C3orf20: variants seen among roughly 807,000 people sequenced by gnomAD.
The protein encoded by C3orf20 is family with sequence similarity 149 member C.
Under a neutral mutation model 88.3 loss-of-function variants are expected in C3orf20, and 76 were observed. The ratio of observed to expected loss-of-function variants is 0.86; its 90% confidence interval spans 0.72 to 1.04. The LOEUF (loss-of-function observed/expected upper bound fraction) is 1.04, where lower values mean the gene tolerates loss of function less well. C3orf20 is among the 50% of genes least tolerant of loss of function. C3orf20 has a pLI of 0.00. For missense variants in C3orf20, 1,056 were observed against 1,123.3 expected (o/e 0.94, Z 0.86); for synonymous variants, 436 against 437.4 (o/e 1.00, Z 0.04).
At chr3:14,753,910 A>G (rs2035286692) in intron 12 of C3orf20, among the ~76,000 whole-genome samples, 1 of 152,244 alleles carries the variant, frequency 6.6e-6, no homozygotes, top group Non-Finnish European at 1.5e-5. Context: ...GTCTTTGCAG[A>G]TTGGCTCTGT....
intron 1 of C3orf20, 126 bp from the exon 2 acceptor site, chr3:14,682,044 T>C (rs2124881924): frequency 6.6e-6 from 1 of 152,338 alleles, no homozygotes; most frequent in African/African-American, 2.4e-5. Flanking sequence ...CTTACATTCA[T>C]TTTTTTCTTA....
chr3:14,735,512 A>G (rs2034676667), intron 12 of C3orf20, among the ~76,000 whole-genome samples: 1 of 151,986 alleles, frequency 6.6e-6, no homozygotes, highest in South Asian at 2.1e-4. Flanking sequence ...TACTTTGTCC[A>G]TTTACCGCTT....
intron 9 of C3orf20, among the ~76,000 whole-genome samples, chr3:14,719,980 C>T (rs1478329381): frequency 2.6e-5 from 4 of 152,018 alleles, no homozygotes; most frequent in Admixed American, 6.5e-5. Context: ...AGAAGGAGGA[C>T]AAGAGAGAGG....
chr3:14,717,798 T>TA (rs998903491), intron 9 of C3orf20, among the ~76,000 whole-genome samples: 19 of 151,568 alleles, frequency 1.3e-4, no homozygotes, highest in East Asian at 3.8e-4. Context: ...TTTCCATGAT[T>TA]AAAAAAAAAT....
intron 12 of C3orf20, among the ~76,000 whole-genome samples, chr3:14,756,437 T>C (rs1186310410): frequency 6.6e-6 from 1 of 152,180 alleles, no homozygotes; most frequent in African/African-American, 2.4e-5. Context: ...CATGAACTCA[T>C]GGAACTTGCA....
chr3:14,742,077 A>C (rs1350552699), intron 12 of C3orf20, among the ~76,000 whole-genome samples: 1 of 152,214 alleles, frequency 6.6e-6, no homozygotes, highest in African/African-American at 2.4e-5. Flanking sequence ...CCTCAGCAAG[A>C]GTGGAAGCAA....
chr3:14,682,838 G>T lies in C3orf20; in HGVS notation c.125G>T (p.Gly42Val). Residue 42 changes from glycine to valine, a missense_variant, in exon 3 of 17, where the codon GGC becomes GTC. Transcript: ENST00000253697. The part of the protein sequence containing the change: ...CQNAGISVPK[G>V]IRNIFEFTWE... ...AATGCAGGCATTTCTGTACCAAAAG[G>T]CATCAGAAACATCTTTGAGTTCACT... The T allele has an allele frequency of 6.2e-7, 1 of 1,614,148 alleles. No individual in the cohort carries two copies. The highest frequency in any genetic ancestry group is 8.5e-7 in the Non-Finnish European group (1 of 1,180,026).
In C3orf20 at chr3:14,708,546, C is replaced by A. The variant is rs1351478436; in HGVS notation, c.1160+3928C>A. The stretch of plus-strand genomic sequence containing the variant: ...AGTGTAAATTTTCAAGTCAGGTTTT[C>A]CATTTCCACAAAAAAAAGGCAATAA... On this transcript the variant is annotated intron_variant, in intron 7 of 16. Coordinates refer to ENST00000253697, the MANE Select transcript of C3orf20 (RefSeq NM_032137.5). Among the ~76,000 whole-genome samples, 3 of 150,832 alleles carry A rather than the reference C, an allele frequency of 2.0e-5. No individual in the cohort carries two copies. The East Asian group carries it at 5.8e-4, about 29-fold the overall frequency.
In C3orf20 at chr3:14,753,889, A is replaced by G. The variant is rs114466887; in HGVS notation, c.1941-3482A>G. Among the ~76,000 whole-genome samples the G allele has an allele frequency of 6.1e-3, 925 of 152,334 alleles. 6 individuals carry two copies. Among genetic ancestry groups the G allele is most frequent in the African/African-American group, 0.02 (818 of 41,574 alleles). ...CAAAACAAAAACAAAAACAAAAACAAAACTCTTCCAGTCTTTGCAGATTGG... is the reference window on the plus strand; with the variant it reads ...CAAAACAAAAACAAAAACAAAAACAGAACTCTTCCAGTCTTTGCAGATTGG... On this transcript the variant is annotated intron_variant, in intron 12 of 16. Transcript: ENST00000253697.
chr3:14,752,059 TCA>T (rs1332530818), intron 12 of C3orf20, among the ~76,000 whole-genome samples: 7 of 152,172 alleles, frequency 4.6e-5, no homozygotes, highest in African/African-American at 1.7e-4. Context: ...GCTGGAGGAA[TCA>T]CACTACCTGA....
At chr3:14,740,389 G>T (rs1366214769) in intron 12 of C3orf20, among the ~76,000 whole-genome samples, 1 of 152,132 alleles carries the variant, frequency 6.6e-6, no homozygotes, top group Non-Finnish European at 1.5e-5. Flanking sequence ...TCTTATATGG[G>T]CATGGTTCAT....
At chr3:14,741,792 TA>T (rs1376660327) in intron 12 of C3orf20, among the ~76,000 whole-genome samples, 12 of 152,192 alleles carry the variant, frequency 7.9e-5, no homozygotes, top group Admixed American at 5.2e-4. Context: ...GTGCTGAGAG[TA>T]GCAACTCAGG....
intron 10 of C3orf20, among the ~76,000 whole-genome samples, chr3:14,726,397 G>A (rs2034346332): frequency 6.6e-6 from 1 of 152,208 alleles, no homozygotes; most frequent in East Asian, 1.9e-4. Context: ...GGGGCTCCTG[G>A]GGGATGCACC....
At chr3:14,694,211 T>G (rs1291815019) in intron 5 of C3orf20, among the ~76,000 whole-genome samples, 1 of 152,200 alleles carries the variant, frequency 6.6e-6, no homozygotes, top group Non-Finnish European at 1.5e-5. Flanking sequence ...CATCATAGAA[T>G]GAGTTTATAA....
chr3:14,752,436 T>C (rs946852462), intron 12 of C3orf20, among the ~76,000 whole-genome samples: 2 of 152,164 alleles, frequency 1.3e-5, no homozygotes, highest in Non-Finnish European at 2.9e-5. Flanking sequence ...GGTAAAGACT[T>C]CGTGACTAAA....
At chr3:14,769,165 C>A (rs987202550) in intron 15 of C3orf20, among the ~76,000 whole-genome samples, 3 of 152,026 alleles carry the variant, frequency 2.0e-5, no homozygotes, top group African/African-American at 7.3e-5. Flanking sequence ...GAGCAGTGCA[C>A]CATAATAAGC....
At chr3:14,755,212 C>A (rs555547141) in intron 12 of C3orf20, among the ~76,000 whole-genome samples, 51 of 152,086 alleles carry the variant, frequency 3.4e-4, no homozygotes, top group African/African-American at 1.2e-3. Context: ...ATTTGTCTTT[C>A]ATCTTTGGTT....
intron 13 of C3orf20, among the ~76,000 whole-genome samples, chr3:14,759,355 G>C (rs1451105834): frequency 1.3e-5 from 2 of 152,110 alleles, no homozygotes. Flanking sequence ...AAGAAGGAGG[G>C]GAGAGAGGCC....
chr3:14,683,453 G>A (rs1030418424), intron 3 of C3orf20, among the ~76,000 whole-genome samples: 21 of 152,170 alleles, frequency 1.4e-4, no homozygotes, highest in African/African-American at 4.8e-4. Context: ...GGCAGTGTTT[G>A]TGAGAATGAT....
Sources: gnomAD v4.1 joint callset for allele counts (sites outside exome capture counted in the v4.1 genomes callset) on GRCh38, gnomAD v4.1.1 for gene constraint, MANE v1.5 for transcripts, NCBI Gene and HGNC (gene_info 2026-07-23, HGNC 2026-07-21) for gene names.